Variants in EIF4G3 observed in about 807,000 individuals in gnomAD.
The protein encoded by EIF4G3 is eukaryotic translation initiation factor 4 gamma 3.
Under a neutral mutation model 186.4 loss-of-function variants are expected in EIF4G3, and 34 were observed. The ratio of observed to expected loss-of-function variants is 0.18; its 90% CI spans 0.14 to 0.24. The LOEUF is 0.24. EIF4G3 is among the 10% of genes least tolerant of loss of function. EIF4G3 has a pLI of 1.00. For missense variants in EIF4G3, 1,536 were observed against 1,948.5 expected, an observed-to-expected ratio of 0.79 and a Z score of 3.99; for synonymous variants, 673 against 679.5, an observed-to-expected ratio of 0.99 and a Z score of 0.15.
intron 2 of EIF4G3, among the ~76,000 whole-genome samples, chr1:21,115,307 T>C (rs2096797650): frequency 6.6e-6 from 1 of 152,072 alleles, no homozygotes; most frequent in East Asian, 1.9e-4. Context: ...GCAAGGTCCA[T>C]GGGGAGAGAG....
In EIF4G3 at chr1:20,941,886, G is replaced by A. The variant is rs1276101901; in HGVS notation, c.1268C>T (p.Ser423Leu). 1.2e-6 allele frequency: 2 copies of A among 1,614,182 alleles called. No homozygotes were observed. Among genetic ancestry groups the A allele is most frequent in the South Asian group, 2.2e-5 (2 of 91,078 alleles). Reference sequence around the variant, plus strand: ...TATTTCCACAATGCTCTCCGTGGCTGATAATTTTTCGCTAACTCCATTTAT... The same window carrying A: ...TATTTCCACAATGCTCTCCGTGGCTAATAATTTTTCGCTAACTCCATTTAT... ...NEINGVSEKL[S>L]ATESIVEIVK... Residue 423 changes from serine to leucine, a missense_variant, in exon 14 of 37, where the codon TCA (serine) becomes TTA (leucine). By Grantham distance (145) the Ser-to-Leu change is moderately radical (BLOSUM62 -2). Transcript: ENST00000602326.
At position 20,849,461 on chromosome 1, in the gene EIF4G3, T is replaced by C. The variant is rs771354079; in HGVS notation, c.3842A>G (p.Lys1281Arg). ...AALSEEELER[K>R]SKSIIDEFLH... ...AAATTCATCAATGATAGATTTCGACTTCCTCTCCAGTTCCTCTTCTGATAA... is the reference window on the plus strand; with the variant it reads ...AAATTCATCAATGATAGATTTCGACCTCCTCTCCAGTTCCTCTTCTGATAA... Residue 1281 changes from lysine (K) to arginine (R), a missense_variant, in exon 29 of 37, where the codon AAG becomes AGG. Transcript: ENST00000602326. 6.4e-7 allele frequency: 1 copy of C among 1,563,928 alleles called. No individual in the cohort carries two copies. Among genetic ancestry groups the C allele is most frequent in the South Asian group, 1.2e-5 (1 of 81,024 alleles).
At chr1:21,105,880 T>G (rs1467804020) in intron 2 of EIF4G3, among the ~76,000 whole-genome samples, 1 of 152,102 alleles carries the variant, frequency 6.6e-6, no homozygotes, top group Non-Finnish European at 1.5e-5. Flanking sequence ...CTGGGCAACT[T>G]GTCAAGAACT....
At chr1:20,864,255 C>G (rs957453975) in intron 22 of EIF4G3, among the ~76,000 whole-genome samples, 7 of 152,134 alleles carry the variant, frequency 4.6e-5, no homozygotes, top group African/African-American at 1.7e-4. Flanking sequence ...TCTGAAGAAT[C>G]TACAAACTGG....
chr1:20,833,522 T>A (rs1057187929), intron 30 of EIF4G3, among the ~76,000 whole-genome samples: 10 of 151,994 alleles, frequency 6.6e-5, no homozygotes, highest in Non-Finnish European at 1.3e-4. Flanking sequence ...GACAAAGGGG[T>A]TTTCTAGATA....
In EIF4G3 at chr1:20,943,825, G is replaced by A. The variant is rs926454635; in HGVS notation, c.824-1495C>T. Among the ~76,000 whole-genome samples the A allele has an allele frequency of 5.3e-5, 8 of 152,038 alleles. No homozygotes were observed. In the South Asian group the frequency reaches 1.7e-3, roughly 32 times the overall value. ...GCCTTAAAATATACTTTTATTTATA[G>A]GCACAGAAGCTGGTGCTTCTAAAAT... On this transcript the variant is annotated intron_variant, in intron 13 of 36. Coordinates refer to ENST00000602326, the MANE Select transcript of EIF4G3 (RefSeq NM_001391906.1).
At chr1:20,992,226 G>A (rs12063134) in intron 7 of EIF4G3, among the ~76,000 whole-genome samples, 4,426 of 152,224 alleles carry the variant, frequency 0.029, 208 homozygotes, top group African/African-American at 0.098. Context: ...TCATAAGGTC[G>A]TATAGATGCT....
intron 13 of EIF4G3, among the ~76,000 whole-genome samples, chr1:20,947,596 A>AAG (rs1416867878): frequency 6.6e-6 from 1 of 151,872 alleles, no homozygotes; most frequent in African/African-American, 2.4e-5. Flanking sequence ...GAAAGAAAGA[A>AAG]AGAGAAAGGG....
intron 2 of EIF4G3, among the ~76,000 whole-genome samples, chr1:21,118,803 A>G (rs1015322636): frequency 2.0e-5 from 3 of 150,798 alleles, no homozygotes; most frequent in Admixed American, 1.3e-4. Context: ...AAAAAAAAAG[A>G]AACAGAAATG....
chr1:21,101,571 A>AAAAAAAAAAAAAAAAAAC (rs1399577854), intron 2 of EIF4G3, among the ~76,000 whole-genome samples: 1 of 143,092 alleles, frequency 7.0e-6, no homozygotes, highest in Admixed American at 7.4e-5. Flanking sequence ...GGAAAAAAAA[A>AAAAAAAAAAAAAAAAAAC]AAAACAACAA....
At chr1:20,904,591 T>C (rs1279653271) in intron 15 of EIF4G3, among the ~76,000 whole-genome samples, 1 of 152,170 alleles carries the variant, frequency 6.6e-6, no homozygotes, top group East Asian at 1.9e-4. Flanking sequence ...GCAGTGATCA[T>C]CCTGCCTTCA....
At chr1:21,167,897 G>C (rs1317396757) in intron 2 of EIF4G3, 9 of 315,050 alleles carry the variant, frequency 2.9e-5, no homozygotes, top group Middle Eastern at 4.3e-4. Context: ...GTTACACTGA[G>C]TTTTAATCTT....
At chr1:20,947,573 A>G (rs1229121635) in intron 13 of EIF4G3, among the ~76,000 whole-genome samples, 2 of 136,940 alleles carry the variant, frequency 1.5e-5, no homozygotes, top group Non-Finnish European at 3.3e-5. Context: ...AAAGAACGAG[A>G]GAGCAAGAGA....
chr1:21,070,600 C>A (rs1304822666), intron 3 of EIF4G3, among the ~76,000 whole-genome samples: 1 of 152,086 alleles, frequency 6.6e-6, no homozygotes, highest in Admixed American at 6.6e-5. Context: ...TTTTTTAAAA[C>A]TCCTTAATGA....
chr1:20,990,320 A>G (rs1357137630), intron 7 of EIF4G3, among the ~76,000 whole-genome samples: 1 of 152,258 alleles, frequency 6.6e-6, no homozygotes, highest in Non-Finnish European at 1.5e-5. Context: ...ACACTTCACC[A>G]GCAAAAAGAT....
At chr1:21,092,069 C>T (rs2096223578) in intron 2 of EIF4G3, among the ~76,000 whole-genome samples, 1 of 152,124 alleles carries the variant, frequency 6.6e-6, no homozygotes, top group Non-Finnish European at 1.5e-5. Flanking sequence ...TGTCTTGCGC[C>T]AGTTTTCAAA....
chr1:20,960,691 C>G (rs1274393136), intron 12 of EIF4G3, among the ~76,000 whole-genome samples: 1 of 151,956 alleles, frequency 6.6e-6, no homozygotes, highest in African/African-American at 2.4e-5. Flanking sequence ...CCCAGGATGT[C>G]AAGGCTGCAG....
intron 5 of EIF4G3, 62 bp downstream of exon 5, chr1:21,002,651 A>C: frequency 6.5e-7 from 1 of 1,532,650 alleles, no homozygotes. Flanking sequence ...AAGAAACCCA[A>C]GCCACTACAC....
chr1:21,049,595 G>T (rs1406001513), intron 4 of EIF4G3, among the ~76,000 whole-genome samples: 2 of 152,134 alleles, frequency 1.3e-5, no homozygotes, highest in African/African-American at 4.8e-5. Context: ...GGCTATTTCA[G>T]TCATGGTTTG....
Sources: allele counts gnomAD v4.1 joint callset (sites outside exome capture counted in the v4.1 genomes callset), GRCh38; gene constraint gnomAD v4.1.1; transcripts MANE v1.5; gene names NCBI Gene and HGNC (gene_info 2026-07-23, HGNC 2026-07-21).